ST6GALNAC5: variants seen among roughly 807,000 people sequenced by gnomAD.
ST6GALNAC5 encodes alpha-N-acetylgalactosaminide alpha-2,6-sialyltransferase 5.
Under a neutral mutation model 33.6 loss-of-function variants are expected in ST6GALNAC5, and 27 were observed. That is an observed-to-expected ratio of 0.80 (90% CI 0.59 to 1.11). ST6GALNAC5 has a LOEUF of 1.11. ST6GALNAC5 is among the 50% of genes least tolerant of loss of function. ST6GALNAC5 has a pLI of 0.00. For missense variants in ST6GALNAC5, 428 were observed against 454.0 expected (o/e 0.94, Z 0.52); for synonymous variants, 194 against 171.2 (o/e 1.13, Z -1.04).
chr1:77,013,089 G>A (rs938551551), intron 2 of ST6GALNAC5, among the ~76,000 whole-genome samples: 1 of 152,160 alleles, frequency 6.6e-6, no homozygotes, highest in African/African-American at 2.4e-5. Flanking sequence ...GTGCACAAGA[G>A]GACAGAAGGC....
intron 2 of ST6GALNAC5, among the ~76,000 whole-genome samples, chr1:77,017,401 G>T (rs1650891418): frequency 6.6e-6 from 1 of 152,110 alleles, no homozygotes; most frequent in Admixed American, 6.5e-5. Context: ...AAATACAAAT[G>T]CCTAGGGGAA....
intron 2 of ST6GALNAC5, among the ~76,000 whole-genome samples, chr1:76,884,566 C>A (rs1326820606): frequency 2.0e-5 from 3 of 152,092 alleles, no homozygotes; most frequent in African/African-American, 7.2e-5. Flanking sequence ...CCCATTCAAA[C>A]CATAGCAGAT....
intron 2 of ST6GALNAC5, among the ~76,000 whole-genome samples, chr1:76,912,154 C>T (rs1264166248): frequency 6.6e-6 from 1 of 152,058 alleles, no homozygotes; most frequent in Non-Finnish European, 1.5e-5. Context: ...CAGAGAACAT[C>T]TTTATTTCTG....
rs539362087 is a variant in ST6GALNAC5, at chr1:76,992,046, C to T, written c.262-52158C>T. On this transcript the variant is annotated intron_variant, in intron 2 of 4. Coordinates refer to ENST00000477717, the MANE Select transcript of ST6GALNAC5 (RefSeq NM_030965.3). ...GAAAAGGAAATCAACAATTTCTATA[C>T]TCTACGTAGGGGTCAGCTTCCCAAA... Among the ~76,000 whole-genome samples the T allele has an allele frequency of 3.3e-5, 5 of 152,184 alleles. No homozygotes were observed. In the East Asian group the frequency reaches 7.7e-4, roughly 24 times the overall value.
At position 77,005,368 on chromosome 1, in the gene ST6GALNAC5, C is replaced by T. The variant is rs1650362533; in HGVS notation, c.262-38836C>T. Among the ~76,000 whole-genome samples the T allele has an allele frequency of 2.0e-5, 3 of 152,208 alleles. No individual in the cohort carries two copies. The South Asian group carries it at 6.2e-4, about 32-fold the overall frequency. On this transcript the variant is annotated intron_variant, in intron 2 of 4. Transcript: ENST00000477717. ...TCGGCTCGCGCACGGTGCGCACACC[C>T]ACTGACCTGCACCCACTGTCTGGCA...
intron 2 of ST6GALNAC5, among the ~76,000 whole-genome samples, chr1:77,026,444 C>G (rs1342630090): frequency 6.6e-6 from 1 of 152,166 alleles, no homozygotes; most frequent in Non-Finnish European, 1.5e-5. Context: ...GGAGCTGGGA[C>G]TGATTCATCT....
chr1:76,917,404 CT>C (rs1315692841), intron 2 of ST6GALNAC5, among the ~76,000 whole-genome samples: 1 of 152,098 alleles, frequency 6.6e-6, no homozygotes, highest in Admixed American at 6.6e-5. Flanking sequence ...TCAAAATGTT[CT>C]CCATTCATAA....
At position 76,895,287 on chromosome 1, in the gene ST6GALNAC5, A is replaced by AT. The variant is rs1279263321; in HGVS notation, c.261+26549dup. Among the ~76,000 whole-genome samples, 4 of 151,850 alleles carry AT rather than the reference A, an allele frequency of 2.6e-5. No homozygotes were observed. The South Asian group carries it at 6.2e-4, about 24-fold the overall frequency. On this transcript the variant is annotated intron_variant, in intron 2 of 4. Transcript: ENST00000477717. ...GTGGTAAAGTGTTGGGGTGGTGAAA[A>AT]TTTTGGGGGGGTGATATGGAGAGAG... is the stretch of plus-strand genomic sequence containing the variant.
chr1:76,982,770 G>A (rs909909057), intron 2 of ST6GALNAC5, among the ~76,000 whole-genome samples: 3 of 152,066 alleles, frequency 2.0e-5, no homozygotes, highest in African/African-American at 2.4e-5. Context: ...AAGAAAGGTC[G>A]GGTTACCCAC....
At chr1:77,014,698 T>G (rs896541163) in intron 2 of ST6GALNAC5, among the ~76,000 whole-genome samples, 1 of 152,180 alleles carries the variant, frequency 6.6e-6, no homozygotes, top group African/African-American at 2.4e-5. Flanking sequence ...CCTCACCTGC[T>G]TTGTTCTCCC....
intron 2 of ST6GALNAC5, among the ~76,000 whole-genome samples, chr1:76,968,935 C>G (rs1648618183): frequency 1.3e-5 from 2 of 152,218 alleles, no homozygotes; most frequent in African/African-American, 2.4e-5. Flanking sequence ...TGTAGAGTTT[C>G]TGCCAAGAAA....
intron 2 of ST6GALNAC5, among the ~76,000 whole-genome samples, chr1:77,007,423 T>C (rs1477122887): frequency 2.0e-5 from 3 of 152,198 alleles, no homozygotes; most frequent in Non-Finnish European, 4.4e-5. Flanking sequence ...AGGACCTGGG[T>C]ATACAGCTAT....
chr1:77,021,270 A>G (rs1381650380), intron 2 of ST6GALNAC5, among the ~76,000 whole-genome samples: 2 of 152,156 alleles, frequency 1.3e-5, no homozygotes, highest in African/African-American at 4.8e-5. Flanking sequence ...AGGAATAATG[A>G]CTTGAATAAT....
chr1:77,011,995 A>G (rs1485717042), intron 2 of ST6GALNAC5, among the ~76,000 whole-genome samples: 1 of 152,198 alleles, frequency 6.6e-6, no homozygotes, highest in Non-Finnish European at 1.5e-5. Flanking sequence ...CAAAGAAGCT[A>G]AATGATTTGC....
chr1:76,962,243 G>T (rs968226570), intron 2 of ST6GALNAC5, among the ~76,000 whole-genome samples: 1 of 152,196 alleles, frequency 6.6e-6, no homozygotes, highest in Non-Finnish European at 1.5e-5. Context: ...CTACTTGCTG[G>T]TTGTGTCTGA....
At chr1:76,989,831 C>T (rs10873924) in intron 2 of ST6GALNAC5, among the ~76,000 whole-genome samples, 148,026 of 152,164 alleles carry the variant, frequency 0.97, 72,024 homozygotes, top group East Asian at 1. Flanking sequence ...TCTGCCACAC[C>T]TTTGCCAGCA....
intron 2 of ST6GALNAC5, among the ~76,000 whole-genome samples, chr1:76,999,684 C>T (rs1268684860): frequency 6.9e-6 from 1 of 143,892 alleles, no homozygotes; most frequent in Non-Finnish European, 1.5e-5. Context: ...TATTCCCCTT[C>T]CTGTGTCCAT....
intron 2 of ST6GALNAC5, among the ~76,000 whole-genome samples, chr1:76,898,641 G>A (rs1646783120): frequency 1.3e-5 from 2 of 152,150 alleles, no homozygotes; most frequent in Admixed American, 6.6e-5. Context: ...TACTGATTTG[G>A]GAGAGGTCAG....
At chr1:76,914,278 C>T (rs1032810417) in intron 2 of ST6GALNAC5, among the ~76,000 whole-genome samples, 36 of 152,102 alleles carry the variant, frequency 2.4e-4, no homozygotes, top group Non-Finnish European at 4.6e-4. Flanking sequence ...AGGTAATTTA[C>T]AGATTCAATG....
Sources: gnomAD v4.1 joint callset for allele counts (sites outside exome capture counted in the v4.1 genomes callset) on GRCh38, gnomAD v4.1.1 for gene constraint, MANE v1.5 for transcripts, NCBI Gene and HGNC (gene_info 2026-07-23, HGNC 2026-07-21) for gene names.